Variants in ITIH2 observed in about 807,000 individuals in gnomAD.
ITIH2 encodes the protein inter-alpha-trypsin inhibitor heavy chain H2.
ITIH2 carries 103 observed loss-of-function variants against 104.4 expected under a neutral mutation model. The observed-to-expected ratio is 0.99, with a 90% confidence interval of 0.84 to 1.16. ITIH2 has a LOEUF of 1.16. Ranked by LOEUF, ITIH2 falls within the 50% of genes most tolerant of loss-of-function variation. The probability of loss-of-function intolerance (pLI) is 0.00; values close to 1 mark genes in which losing one functional copy is unlikely to be tolerated. For synonymous variants in ITIH2, 436 were observed against 435.4 expected (o/e 1.00, Z -0.02); for missense variants, 1,108 against 1,162.4 (o/e 0.95, Z 0.68).
intron 2 of ITIH2, among the ~76,000 whole-genome samples, chr10:7,706,349 T>C (rs1834747058): frequency 6.6e-6 from 1 of 152,122 alleles, no homozygotes; most frequent in Non-Finnish European, 1.5e-5. Context: ...TATTAACAGC[T>C]CACCAAACAT....
In ITIH2 at chr10:7,730,389, T is replaced by C. The variant is rs566612261; in HGVS notation, c.1461+256T>C. ...GTCCTACCCCCTGAACAAAAAGGCC[T>C]TCTGAGCGTCATCAAAGCTCCTTGT... On this transcript the variant is annotated intron_variant, in intron 12 of 20. Coordinates refer to ENST00000358415, the MANE Select transcript of ITIH2 (RefSeq NM_002216.3). 3.3e-5 allele frequency among the ~76,000 whole-genome samples: 5 copies of C among 152,330 alleles called. No homozygotes were observed. The South Asian group carries it at 1.0e-3, about 32-fold the overall frequency.
At chr10:7,745,149 G>A (rs1835164839) in intron 19 of ITIH2, among the ~76,000 whole-genome samples, 186 bp downstream of exon 19, 1 of 152,144 alleles carries the variant, frequency 6.6e-6, no homozygotes, top group African/African-American at 2.4e-5. Context: ...AGACAAGGTT[G>A]TCCAGGGCCA....
chr10:7,725,606 TAGA>T (rs1488871489), intron 9 of ITIH2, among the ~76,000 whole-genome samples: 1 of 152,164 alleles, frequency 6.6e-6, no homozygotes, highest in Non-Finnish European at 1.5e-5. Context: ...CCTGAGTGAC[TAGA>T]AGGATGAAGT....
At position 7,721,717 on chromosome 10, in the gene ITIH2, A is replaced by T; in HGVS notation, c.807A>T (p.Val269=). 1 of 1,614,002 alleles carries T rather than the reference A, an allele frequency of 6.2e-7. No individual in the cohort carries two copies. The highest frequency in any genetic ancestry group is 8.5e-7 in the Non-Finnish European group (1 of 1,179,932). Residue 269 remains valine, a synonymous_variant, in exon 8 of 21, where the codon GTA becomes GTT. Transcript: ENST00000358415. ...GCCCTAACTGCCGGGAGACTGCGGTAGATGGGGAACTGGTGGTGCTGTATG... is the reference window on the plus strand; with the variant it reads ...GCCCTAACTGCCGGGAGACTGCGGTTGATGGGGAACTGGTGGTGCTGTATG... ...RICPNCRETA[V]DGELVVLYDV...
At chr10:7,707,087 C>T in intron 2 of ITIH2, 114 bp from the exon 3 acceptor site, 1 of 599,528 alleles carries the variant, frequency 1.7e-6, no homozygotes, top group East Asian at 2.7e-5. Context: ...GAATGAATAA[C>T]AGCTCAGTAT....
In ITIH2 at chr10:7,726,998, C is replaced by G; in HGVS notation, c.1033C>G (p.His345Asp). 1 of 1,613,744 alleles carries G rather than the reference C, an allele frequency of 6.2e-7. No homozygotes were observed. The highest frequency in any genetic ancestry group is 8.5e-7 in the Non-Finnish European group (1 of 1,179,710). Residue 345 changes from histidine to aspartate, a missense_variant, in exon 10 of 21, where the codon CAT becomes GAT. His to Asp is a moderately conservative substitution (Grantham distance 81, BLOSUM62 -1). Transcript: ENST00000358415. Reference sequence around the variant, plus strand: ...ATTGGATGACCTCAGAGCAGAAGACCATTTCTCTGTGATTGATTTCAACCA... The same window carrying G: ...ATTGGATGACCTCAGAGCAGAAGACGATTTCTCTGTGATTGATTTCAACCA... ...TILDDLRAED[H>D]FSVIDFNQNI...
At chr10:7,737,406 C>CATAT (rs375717121) in intron 15 of ITIH2, among the ~76,000 whole-genome samples, 9,017 of 121,552 alleles carry the variant, frequency 0.074, 357 homozygotes, top group South Asian at 0.12. Flanking sequence ...GTATATATCT[C>CATAT]ATATATATAT....
At chr10:7,748,813 T>C (rs945775605) in intron 20 of ITIH2, among the ~76,000 whole-genome samples, 15 of 151,980 alleles carry the variant, frequency 9.9e-5, no homozygotes, top group Admixed American at 4.6e-4. Context: ...CCCAAAGCGC[T>C]GAGATTACAG....
intron 5 of ITIH2, among the ~76,000 whole-genome samples, chr10:7,714,321 A>G (rs554712034): frequency 8.6e-5 from 13 of 151,930 alleles, no homozygotes; most frequent in African/African-American, 2.2e-4. Flanking sequence ...ACAGGCACCC[A>G]TCACCATGCC....
intron 16 of ITIH2, among the ~76,000 whole-genome samples, chr10:7,740,367 C>T (rs1179248548): frequency 6.6e-6 from 1 of 152,204 alleles, no homozygotes; most frequent in Non-Finnish European, 1.5e-5. Flanking sequence ...GTCCCACGAA[C>T]CATGCAGAAG....
At chr10:7,717,883 T>C in intron 6 of ITIH2, 95 bp downstream of exon 6, 1 of 1,263,390 alleles carries the variant, frequency 7.9e-7, no homozygotes, top group Non-Finnish European at 1.1e-6. Flanking sequence ...ACTTGTGGTG[T>C]TGGATGCCAC....
At chr10:7,731,235 T>C (rs1834999894) in intron 12 of ITIH2, among the ~76,000 whole-genome samples, 1 of 152,012 alleles carries the variant, frequency 6.6e-6, no homozygotes, top group East Asian at 1.9e-4. Context: ...ACTTTTATCA[T>C]AAGTTTGTCC....
intron 3 of ITIH2, among the ~76,000 whole-genome samples, chr10:7,707,499 G>A (rs1588449044): frequency 6.6e-6 from 1 of 151,710 alleles, no homozygotes; most frequent in Admixed American, 6.6e-5. Flanking sequence ...CCTTCCCACT[G>A]TATAAATTTA....
At chr10:7,711,075 G>A (rs1588450189) in intron 4 of ITIH2, among the ~76,000 whole-genome samples, 1 of 152,172 alleles carries the variant, frequency 6.6e-6, no homozygotes, top group South Asian at 2.1e-4. Context: ...TTGTCCTAAT[G>A]CTCTCCCTCC....
intron 18 of ITIH2, 138 bp from the exon 19 acceptor site, chr10:7,744,653 T>A (rs895788051): frequency 1.1e-5 from 8 of 700,456 alleles, no homozygotes; most frequent in Non-Finnish European, 1.9e-5. Context: ...ATCATTTATC[T>A]ATAAACTGTT....
intron 9 of ITIH2, among the ~76,000 whole-genome samples, chr10:7,724,413 A>G (rs113718938): frequency 0.073 from 11,019 of 151,856 alleles, 554 homozygotes; most frequent in African/African-American, 0.14. Flanking sequence ...TCTACTAAAA[A>G]TACAAAATTA....
At chr10:7,737,044 G>A (rs749016001) in intron 15 of ITIH2, among the ~76,000 whole-genome samples, 1 of 152,020 alleles carries the variant, frequency 6.6e-6, no homozygotes, top group African/African-American at 2.4e-5. Context: ...GTTTGTACAA[G>A]CACTTGCTCC....
chr10:7,748,658 C>T (rs1835204682), intron 20 of ITIH2, among the ~76,000 whole-genome samples: 1 of 148,472 alleles, frequency 6.7e-6, no homozygotes, highest in Non-Finnish European at 1.5e-5. Context: ...TCTCTTGCCT[C>T]AGCCTCCCAA....
intron 14 of ITIH2, among the ~76,000 whole-genome samples, chr10:7,733,766 T>G (rs375404360): frequency 6.6e-6 from 1 of 152,164 alleles, no homozygotes; most frequent in East Asian, 1.9e-4. Context: ...CCAAGCCTCA[T>G]TCTGTCTATA....
Sources: gnomAD v4.1 joint callset for allele counts (sites outside exome capture counted in the v4.1 genomes callset) on GRCh38, gnomAD v4.1.1 for gene constraint, MANE v1.5 for transcripts, NCBI Gene and HGNC (gene_info 2026-07-23, HGNC 2026-07-21) for gene names.